TNFRSF8: variants seen among roughly 807,000 people sequenced by gnomAD.
The protein encoded by TNFRSF8 is TNF receptor superfamily member 8.
TNFRSF8 carries 26 observed loss-of-function variants against 70.8 expected under a neutral mutation model. That is an observed-to-expected ratio of 0.37 (90% CI 0.27 to 0.51). The LOEUF (loss-of-function observed/expected upper bound fraction) is 0.51, where lower values mean the gene tolerates loss of function less well. Ranked by LOEUF, TNFRSF8 falls within the 20% of genes least tolerant of loss-of-function variation. The pLI, the probability that TNFRSF8 is intolerant of heterozygous loss-of-function variation, is 0.94. For missense variants in TNFRSF8, 720 were observed against 807.9 expected (o/e 0.89, Z 1.32); for synonymous variants, 356 against 339.2 (o/e 1.05, Z -0.54).
Position 12,063,636 on chromosome 1 carries a change from T to TG in TNFRSF8, c.43dup (p.Ala15GlyfsTer24). 1 of 1,288,532 alleles carries TG rather than the reference T, an allele frequency of 7.8e-7. No homozygotes were observed. The allele number at this position is 1,288,532 out of a possible 1,614,324, so 79.8% of individuals were successfully genotyped here. On this transcript the variant is annotated frameshift_variant, in exon 1 of 15. Coordinates refer to ENST00000263932, the MANE Select transcript of TNFRSF8 (RefSeq NM_001243.5). LOFTEE classifies it high-confidence loss of function. This position sits in a 1 kb window ranked among gnomAD's most constrained non-coding sequence, Gnocchi z 7.2. The stretch of plus-strand genomic sequence containing the variant: ...CTCGCCGCGCTGGGACTGCTGTTCC[T>TG]GGGGGCGCTACGAGCCTTCCCACAG...
Position 12,138,476 on chromosome 1 carries a change from G to A in TNFRSF8, c.1543+40G>A, listed in dbSNP as rs1245097735. 4.5e-6 allele frequency: 7 copies of A among 1,572,704 alleles called. No homozygotes were observed. The highest frequency in any genetic ancestry group is 2.7e-5 in the African/African-American group (2 of 73,844). Reference sequence around the variant, plus strand: ...TTTGGGAGGTCCCCTGCAGCCCAGGGGCAGATGGGAGATGAATACGGGGCC... The same window carrying A: ...TTTGGGAGGTCCCCTGCAGCCCAGGAGCAGATGGGAGATGAATACGGGGCC... On this transcript the variant is annotated intron_variant, in intron 14 of 14. Coordinates refer to ENST00000263932, the MANE Select transcript of TNFRSF8 (RefSeq NM_001243.5). The surrounding 1 kb of genome is among the most constrained non-coding windows in gnomAD (Gnocchi z 5.7).
chr1:12,138,934 C>T lies in TNFRSF8; in HGVS notation c.1543+498C>T, dbSNP rs1387184478. 7.1e-6 allele frequency among the ~76,000 whole-genome samples: 1 copy of T among 140,146 alleles called. No individual in the cohort carries two copies. The highest frequency in any genetic ancestry group is 3.0e-5 in the African/African-American group (1 of 33,512). The allele number at this position is 140,146 out of a possible 152,430, so 91.9% of individuals were successfully genotyped here. ...ACTAAGTGGCACAGCTGGAACTCGT[C>T]CCGCATCTGCTGGGCCTTGAAGCCC... On this transcript the variant is annotated intron_variant, in intron 14 of 14. Coordinates refer to ENST00000263932, the MANE Select transcript of TNFRSF8 (RefSeq NM_001243.5). The surrounding 1 kb of genome is among the most constrained non-coding windows in gnomAD (Gnocchi z 5.7).
chr1:12,074,373 G>A (rs571197912), intron 1 of TNFRSF8, among the ~76,000 whole-genome samples: 202 of 151,598 alleles, frequency 1.3e-3, no homozygotes, highest in Non-Finnish European at 2.5e-3. Flanking sequence ...TCCGCCTCCC[G>A]GCTTCAAGAG....
intron 3 of TNFRSF8, among the ~76,000 whole-genome samples, chr1:12,103,408 A>T (rs1641459605): frequency 6.6e-6 from 1 of 152,078 alleles, no homozygotes; most frequent in East Asian, 1.9e-4. Flanking sequence ...GTTTACAGGA[A>T]AATTGAACAG....
chr1:12,104,834 G>A (rs1022892983), intron 4 of TNFRSF8, among the ~76,000 whole-genome samples: 1 of 152,158 alleles, frequency 6.6e-6, no homozygotes, highest in South Asian at 2.1e-4. Flanking sequence ...AAACAAGAAG[G>A]GAACCTCAAG....
In TNFRSF8 at chr1:12,109,983, C is replaced by A; in HGVS notation, c.513-58C>A. On this transcript the variant is annotated intron_variant, in intron 5 of 14. Coordinates refer to ENST00000263932, the MANE Select transcript of TNFRSF8 (RefSeq NM_001243.5). This position sits in a 1 kb window ranked among gnomAD's most constrained non-coding sequence, Gnocchi z 4.4. ...CTGTGGAAACTGTTACTCGTGAGCA[C>A]AGGCCTCCCTTGCCCCATTGGCAGA... is the stretch of plus-strand genomic sequence containing the variant. 6.3e-7 allele frequency: 1 copy of A among 1,577,756 alleles called. No individual in the cohort carries two copies. The highest frequency in any genetic ancestry group is 8.6e-7 in the Non-Finnish European group (1 of 1,159,844).
intron 1 of TNFRSF8, among the ~76,000 whole-genome samples, chr1:12,073,770 AT>A (rs368611291): frequency 1.3e-5 from 2 of 150,786 alleles, no homozygotes; most frequent in Non-Finnish European, 3.0e-5. Flanking sequence ...ATTTTTATGT[AT>A]TTTTACTAGA....
intron 1 of TNFRSF8, among the ~76,000 whole-genome samples, chr1:12,076,524 C>G (rs1343606360): frequency 6.6e-6 from 1 of 152,168 alleles, no homozygotes; most frequent in Non-Finnish European, 1.5e-5. Context: ...TCCTTCCAGC[C>G]AGGGACTCCA....
At position 12,123,814 on chromosome 1, in the gene TNFRSF8, C is replaced by T. The variant is rs1243853079; in HGVS notation, c.1140C>T (p.Pro380=). The part of the protein sequence containing the change: ...APVALSSTGK[P]VLDAGPVLFW... ...TCGCTCTCTCCTCCACGGGGAAGCCCGTTCTGGATGCAGGTAATGGTCCCA... is the reference window on the plus strand; with the variant it reads ...TCGCTCTCTCCTCCACGGGGAAGCCTGTTCTGGATGCAGGTAATGGTCCCA... The change falls in exon 10 of 15, where the codon CCC becomes CCT. Residue 380 remains proline, a synonymous_variant. Transcript: ENST00000263932. 6 of 1,567,812 alleles carry T rather than the reference C, an allele frequency of 3.8e-6. No homozygotes were observed. The highest frequency in any genetic ancestry group is 1.7e-4 in the Middle Eastern group (1 of 5,966).
chr1:12,125,614 C>CA (rs1289770806), intron 10 of TNFRSF8, among the ~76,000 whole-genome samples: 2 of 152,224 alleles, frequency 1.3e-5, no homozygotes, highest in Non-Finnish European at 2.9e-5. Flanking sequence ...CCGGCCACAC[C>CA]AGCAGTGCTG....
intron 1 of TNFRSF8, among the ~76,000 whole-genome samples, chr1:12,069,777 G>T (rs1237893272): frequency 6.6e-6 from 1 of 152,194 alleles, no homozygotes; most frequent in Non-Finnish European, 1.5e-5. Context: ...ATTCCACAGG[G>T]GTGACAGTCA....
chr1:12,096,193 A>G (rs1366398066), intron 2 of TNFRSF8, among the ~76,000 whole-genome samples: 1 of 152,058 alleles, frequency 6.6e-6, no homozygotes. Context: ...TATTGATGGG[A>G]AGAAGTATTC....
At chr1:12,064,544 G>A (rs11569794) in intron 1 of TNFRSF8, among the ~76,000 whole-genome samples, 1,747 of 152,218 alleles carry the variant, frequency 0.011, 29 homozygotes, top group African/African-American at 0.04. Flanking sequence ...GAAGGAGCAG[G>A]CTGTTAGTCC....
Position 12,138,178 on chromosome 1 carries a change from T to C in TNFRSF8, c.1336-51T>C. The C allele has an allele frequency of 6.3e-7, 1 of 1,585,368 alleles. No homozygotes were observed. Among genetic ancestry groups the C allele is most frequent in the Non-Finnish European group, 8.6e-7 (1 of 1,161,946 alleles). Reference sequence around the variant, plus strand: ...AAAAGGGGCCTCCCAGTTCAGAGACTGGTGGGGAGGTTGGGGGTACCCTGC... The same window carrying C: ...AAAAGGGGCCTCCCAGTTCAGAGACCGGTGGGGAGGTTGGGGGTACCCTGC... On this transcript the variant is annotated intron_variant, in intron 13 of 14. Coordinates refer to ENST00000263932, the MANE Select transcript of TNFRSF8 (RefSeq NM_001243.5). The surrounding 1 kb of genome is among the most constrained non-coding windows in gnomAD (Gnocchi z 5.7).
intron 1 of TNFRSF8, among the ~76,000 whole-genome samples, chr1:12,071,902 G>A (rs769792749): frequency 1.3e-5 from 2 of 152,114 alleles, no homozygotes; most frequent in South Asian, 2.1e-4. Flanking sequence ...TCACCATGTT[G>A]GCCAGGATGG....
intron 3 of TNFRSF8, among the ~76,000 whole-genome samples, chr1:12,100,733 G>T (rs564496755): frequency 3.8e-4 from 58 of 152,244 alleles, no homozygotes; most frequent in African/African-American, 1.3e-3. Flanking sequence ...GAGGTGGGCA[G>T]ATCACTTGAG....
At chr1:12,134,309 C>T (rs541113055) in intron 12 of TNFRSF8, among the ~76,000 whole-genome samples, 4 of 152,180 alleles carry the variant, frequency 2.6e-5, no homozygotes, top group Non-Finnish European at 4.4e-5. Flanking sequence ...TCCAGATCTC[C>T]GTAGGTAGCG....
rs1046073731 is a variant in TNFRSF8, at chr1:12,064,750, G to A, written c.63+1089G>A. ...CTATGCCCTCTTCCATTTCCAATGGGCAATGTGAGGTATTCCCCCTTTCCC... is the reference window on the plus strand; with the variant it reads ...CTATGCCCTCTTCCATTTCCAATGGACAATGTGAGGTATTCCCCCTTTCCC... On this transcript the variant is annotated intron_variant, in intron 1 of 14. Transcript: ENST00000263932. Among the ~76,000 whole-genome samples the A allele has an allele frequency of 2.0e-5, 3 of 152,180 alleles. No individual in the cohort carries two copies. The East Asian group carries it at 5.8e-4, about 29-fold the overall frequency.
At position 12,142,247 on chromosome 1, in the gene TNFRSF8, GCTCTGGC is replaced by G; in HGVS notation, c.1544-36_1544-30del. ...CCTCTTTGCTCCCATCCTGGCTGGT[GCTCTGGC>G]CTCCCTCGCTCACCCATCCTTTTGC... On this transcript the variant is annotated intron_variant, in intron 14 of 14. Transcript: ENST00000263932. This position sits in a 1 kb window ranked among gnomAD's most constrained non-coding sequence, Gnocchi z 5.0. 6.6e-7 allele frequency: 1 copy of G among 1,526,460 alleles called. No homozygotes were observed. Among genetic ancestry groups the G allele is most frequent in the Non-Finnish European group, 8.8e-7 (1 of 1,131,404 alleles). The allele number at this position is 1,526,460 out of a possible 1,614,324, so 94.6% of individuals were successfully genotyped here.
Sources: allele counts gnomAD v4.1 joint callset (sites outside exome capture counted in the v4.1 genomes callset), GRCh38; gene constraint gnomAD v4.1.1; non-coding constraint Gnocchi (gnomAD v3.1); transcripts MANE v1.5; gene names NCBI Gene and HGNC (gene_info 2026-07-23, HGNC 2026-07-21).